Variants in DSG2 observed in about 807,000 individuals in gnomAD.
The protein encoded by DSG2 is desmoglein-2.
Under a neutral mutation model 75.6 loss-of-function variants are expected in DSG2, and 45 were observed. The observed-to-expected ratio is 0.60, with a 90% confidence interval of 0.47 to 0.76. The LOEUF (loss-of-function observed/expected upper bound fraction) is 0.76, where lower values mean the gene tolerates loss of function less well. DSG2 is among the 30% of genes least tolerant of loss of function. The pLI, the probability that DSG2 is intolerant of heterozygous loss-of-function variation, is 0.00. For missense variants in DSG2, 1,267 were observed against 1,357.4 expected (o/e 0.93, Z 1.05); for synonymous variants, 429 against 483.9 (o/e 0.89, Z 1.49).
intron 1 of DSG2, among the ~76,000 whole-genome samples, chr18:31,507,506 G>A (rs551718738): frequency 6.6e-6 from 1 of 152,314 alleles, no homozygotes; most frequent in Admixed American, 6.5e-5. Flanking sequence ...TCGCCACACT[G>A]TCTTCCACAA....
chr18:31,539,528 G>C (rs1009313921), intron 12 of DSG2, among the ~76,000 whole-genome samples: 3 of 152,204 alleles, frequency 2.0e-5, no homozygotes, highest in Admixed American at 6.5e-5. Flanking sequence ...CTTCCTGACC[G>C]TAAGATGTTC....
At chr18:31,509,569 T>G (rs2073056114) in intron 1 of DSG2, among the ~76,000 whole-genome samples, 1 of 152,206 alleles carries the variant, frequency 6.6e-6, no homozygotes, top group African/African-American at 2.4e-5. Flanking sequence ...CTAAATAAGT[T>G]ATGCTGGTTA....
chr18:31,507,392 G>C lies in DSG2; in HGVS notation c.45+9096G>C, dbSNP rs181435434. Among the ~76,000 whole-genome samples the C allele has an allele frequency of 1.1e-3, 167 of 152,268 alleles. 1 individual carries two copies. The highest frequency in any genetic ancestry group is 3.5e-3 in the South Asian group (17 of 4,822). On this transcript the variant is annotated intron_variant, in intron 1 of 14. Transcript: ENST00000261590. ...GAATAGTGCCTCAATAAACATATGT[G>C]TGCATGTGTCTTTATAGTAGAATGA... is the stretch of plus-strand genomic sequence containing the variant.
At chr18:31,533,991 C>CTTTTTTTTTTTTTTTT (rs55789239) in intron 9 of DSG2, among the ~76,000 whole-genome samples, 1 of 125,940 alleles carries the variant, frequency 7.9e-6, no homozygotes, top group Non-Finnish European at 1.6e-5. Flanking sequence ...TCTTTTTTTT[C>CTTTTTTTTTTTTTTTT]TTTTTTTTTT....
At chr18:31,524,403 G>T in intron 6 of DSG2, 45 bp from the exon 7 acceptor site, 2 of 1,613,822 alleles carry the variant, frequency 1.2e-6, no homozygotes, top group South Asian at 1.1e-5. Flanking sequence ...CCAGATGTAA[G>T]AGTGACTCTT....
At chr18:31,526,858 G>A (rs62095195) in intron 8 of DSG2, among the ~76,000 whole-genome samples, 34,816 of 152,096 alleles carry the variant, frequency 0.23, 4,346 homozygotes, top group East Asian at 0.29. Context: ...TTAAGCTAAG[G>A]CTCATTACAA....
intron 1 of DSG2, among the ~76,000 whole-genome samples, chr18:31,502,728 G>T (rs2073020093): frequency 6.6e-6 from 1 of 152,036 alleles, no homozygotes; most frequent in Non-Finnish European, 1.5e-5. Flanking sequence ...TCCAGCCTGG[G>T]TGACAGAGGG....
rs368584610 is a variant in DSG2 at position 31,546,188 on chromosome 18, A to G, written c.2802A>G (p.Ile934Met). ...LPDPMASRNV[I>M]ATETSYVTGS... ...ACCCAATGGCTTCTAGAAATGTGAT[A>G]GCAACAGAAACTTCCTATGTCACAG... Residue 934 changes from isoleucine (I) to methionine (M), a missense_variant, in exon 15 of 15, where the codon ATA becomes ATG. Physicochemically the swap from Ile to Met is conservative, Grantham distance 10. Transcript: ENST00000261590. 11 of 1,613,954 alleles carry G rather than the reference A, an allele frequency of 6.8e-6. No individual in the cohort carries two copies. The highest frequency in any genetic ancestry group is 5.3e-5 in the African/African-American group (4 of 75,014).
intron 13 of DSG2, 90 bp downstream of exon 13, chr18:31,541,404 G>A (rs2073267335): frequency 6.7e-7 from 1 of 1,487,088 alleles, no homozygotes; most frequent in Non-Finnish European, 9.2e-7. Flanking sequence ...GGTTGAGTGA[G>A]TAAAGTGATC....
intron 1 of DSG2, among the ~76,000 whole-genome samples, chr18:31,515,382 G>A (rs183915618): frequency 2.0e-4 from 31 of 152,132 alleles, no homozygotes; most frequent in African/African-American, 7.0e-4. Flanking sequence ...TGGGATTACA[G>A]GTGTGAGCCA....
At position 31,524,806 on chromosome 18, in the gene DSG2, C is replaced by T; in HGVS notation, c.932C>T (p.Thr311Ile). The T allele has an allele frequency of 6.2e-7, 1 of 1,614,092 alleles. No individual in the cohort carries two copies. Among genetic ancestry groups the T allele is most frequent in the East Asian group, 2.2e-5 (1 of 44,878 alleles). The change falls in exon 8 of 15, where the codon ACA (threonine) becomes ATA (isoleucine). Residue 311 changes from threonine (T) to isoleucine (I), a missense_variant. Physicochemically the swap from Thr to Ile is moderately conservative, Grantham distance 89. Coordinates refer to ENST00000261590, the MANE Select transcript of DSG2 (RefSeq NM_001943.5). The part of the protein sequence containing the change: ...IGSDNWLANF[T>I]FASGNEGGYF... Reference sequence around the variant, plus strand: ...TCTGATAATTGGCTGGCAAATTTTACATTTGCATCAGGAAATGAAGGAGGT... The same window carrying T: ...TCTGATAATTGGCTGGCAAATTTTATATTTGCATCAGGAAATGAAGGAGGT...
intron 3 of DSG2, among the ~76,000 whole-genome samples, chr18:31,520,185 T>C (rs918044982): frequency 2.6e-5 from 4 of 152,220 alleles, no homozygotes; most frequent in Non-Finnish European, 5.9e-5. Context: ...AGTTTTGATT[T>C]AACTAAGAGT....
At chr18:31,505,028 G>A (rs554345080) in intron 1 of DSG2, among the ~76,000 whole-genome samples, 1 of 152,038 alleles carries the variant, frequency 6.6e-6, no homozygotes, top group East Asian at 1.9e-4. Flanking sequence ...CTTTTATCTT[G>A]CACAGTACTG....
In DSG2 at chr18:31,546,874, C is replaced by A; in HGVS notation, c.*131C>A. On this transcript the variant is annotated 3_prime_UTR_variant, in exon 15 of 15. Coordinates refer to ENST00000261590, the MANE Select transcript of DSG2 (RefSeq NM_001943.5). ...TACACATTGATCTTAAAATTTTTCT[C>A]AGTCACTGATATGCAAAGGACCACA... 1 of 991,090 alleles carries A rather than the reference C, an allele frequency of 1.0e-6. No homozygotes were observed. Among genetic ancestry groups the A allele is most frequent in the Non-Finnish European group, 1.6e-6 (1 of 631,874 alleles). 61.4% of individuals were successfully genotyped at this position (991,090 alleles called of 1,614,324 possible).
At chr18:31,538,540 A>G (rs537191243) in intron 11 of DSG2, among the ~76,000 whole-genome samples, 67 of 152,362 alleles carry the variant, frequency 4.4e-4, no homozygotes, top group African/African-American at 1.6e-3. Context: ...TCATGAAAGT[A>G]GGTGTCCAGG....
intron 3 of DSG2, 32 bp from the exon 4 acceptor site, chr18:31,520,771 A>C: frequency 6.2e-7 from 1 of 1,610,080 alleles, no homozygotes; most frequent in East Asian, 2.2e-5. Context: ...CAGAGAGTTC[A>C]ACCTGAAACA....
chr18:31,546,667 G>T lies in DSG2; in HGVS notation c.3281G>T (p.Gly1094Val), dbSNP rs144313973. 1.9e-5 allele frequency: 31 copies of T among 1,614,176 alleles called. No homozygotes were observed. In the African/African-American group the frequency reaches 3.6e-4, roughly 19 times the overall value. Reference protein sequence around the residue: ...PLPDFGLEESGHSNSTITTSS... With the variant: ...PLPDFGLEESVHSNSTITTSS... ...CCAGATTTTGGTTTAGAGGAATCTGGTCATTCTAATTCTACCATAACCACA... is the reference window on the plus strand; with the variant it reads ...CCAGATTTTGGTTTAGAGGAATCTGTTCATTCTAATTCTACCATAACCACA... Residue 1094 changes from glycine to valine, a missense_variant, in exon 15 of 15, where the codon GGT becomes GTT. Physicochemically the swap from Gly to Val is moderately radical, Grantham distance 109. Transcript: ENST00000261590.
chr18:31,498,838 C>T (rs1326423417), intron 1 of DSG2, among the ~76,000 whole-genome samples: 1 of 152,114 alleles, frequency 6.6e-6, no homozygotes, highest in East Asian at 1.9e-4. Flanking sequence ...ATTTACAAAG[C>T]TTAATTTTAA....
intron 13 of DSG2, chr18:31,542,179 G>T: frequency 2.8e-6 from 1 of 354,452 alleles, no homozygotes; most frequent in Non-Finnish European, 5.3e-6. Context: ...GGTGGCCATG[G>T]ATCCAGGTCA....
Sources: gnomAD v4.1 joint callset for allele counts (sites outside exome capture counted in the v4.1 genomes callset) on GRCh38, gnomAD v4.1.1 for gene constraint, MANE v1.5 for transcripts, NCBI Gene and HGNC (gene_info 2026-07-23, HGNC 2026-07-21) for gene names.